DNAH14: variants seen among roughly 807,000 people sequenced by gnomAD.
The protein encoded by DNAH14 is dynein axonemal heavy chain 14.
In DNAH14, 478 loss-of-function variants were observed where a neutral mutation model predicts 520.9. That is an observed-to-expected ratio of 0.92 (90% CI 0.85 to 0.99). DNAH14 has a LOEUF of 0.99. DNAH14 is among the 50% of genes least tolerant of loss of function. The pLI, the probability that DNAH14 is intolerant of heterozygous loss-of-function variation, is 0.00. For synonymous variants in DNAH14, 1,581 were observed against 1,757.2 expected, an observed-to-expected ratio of 0.90 and a Z score of 2.51; for missense variants, 4,831 against 5,234.5, an observed-to-expected ratio of 0.92 and a Z score of 2.38.
At chr1:225,055,711 T>G (rs2449296) in intron 17 of DNAH14, among the ~76,000 whole-genome samples, 120,886 of 139,436 alleles carry the variant, frequency 0.87, 55,068 homozygotes, top group Non-Finnish European at 1. Context: ...ATAGGCCCTG[T>G]TGTGTGATGT....
At chr1:225,360,539 TG>T in intron 74 of DNAH14, 141 bp from the exon 75 acceptor site, 1 of 782,828 alleles carries the variant, frequency 1.3e-6, no homozygotes, top group South Asian at 1.9e-5. Context: ...ATTTAAACTC[TG>T]GGCTCTAATT....
intron 35 of DNAH14, among the ~76,000 whole-genome samples, chr1:225,161,270 A>G (rs1253474317): frequency 6.6e-6 from 1 of 152,148 alleles, no homozygotes; most frequent in Non-Finnish European, 1.5e-5. Flanking sequence ...AGAGCATGCA[A>G]TGTTTGTGTT....
At chr1:225,107,699 T>A (rs1573149105) in intron 23 of DNAH14, among the ~76,000 whole-genome samples, 1 of 152,140 alleles carries the variant, frequency 6.6e-6, no homozygotes, top group Admixed American at 6.6e-5. Flanking sequence ...CTATTTTTAG[T>A]TTTTTGAGGA....
At chr1:224,997,822 C>T (rs958935718) in intron 8 of DNAH14, among the ~76,000 whole-genome samples, 6 of 151,498 alleles carry the variant, frequency 4.0e-5, no homozygotes, top group East Asian at 1.9e-4. Flanking sequence ...AGTTCATGTC[C>T]TTTGTAGGGA....
rs778576814 is a variant in DNAH14 at position 225,398,503 on chromosome 1, C to T, written c.13492-17C>T. The T allele has an allele frequency of 2.6e-6, 4 of 1,551,102 alleles. No homozygotes were observed. The African/African-American group carries it at 4.1e-5, about 16-fold the overall frequency. On this transcript the variant is annotated splice_polypyrimidine_tract_variant and intron_variant, in intron 84 of 85. Transcript: ENST00000682510. ...CTTCTCCTGGGGATCCCTGACACCA[C>T]CTCTCTTCCATCTTAGGGCTCAGCT...
chr1:224,984,258 T>C (rs1404036018), intron 8 of DNAH14, among the ~76,000 whole-genome samples: 2 of 152,320 alleles, frequency 1.3e-5, no homozygotes, highest in Admixed American at 6.5e-5. Flanking sequence ...AGTCAACTGA[T>C]CTTTGACAAA....
intron 44 of DNAH14, among the ~76,000 whole-genome samples, chr1:225,253,976 T>C (rs12759119): frequency 0.095 from 14,401 of 152,192 alleles, 976 homozygotes; most frequent in East Asian, 0.31. Flanking sequence ...TGTGACCAGA[T>C]TAGATCTAGA....
At chr1:225,288,734 A>T (rs1486068066) in intron 54 of DNAH14, among the ~76,000 whole-genome samples, 2 of 152,164 alleles carry the variant, frequency 1.3e-5, no homozygotes, top group African/African-American at 4.8e-5. Flanking sequence ...TTCATTAGTC[A>T]TTAGGGAAAT....
In DNAH14 at chr1:225,215,405, T is replaced by A. The variant is rs7525793; in HGVS notation, c.6439+8185T>A. 5.0e-3 allele frequency among the ~76,000 whole-genome samples: 763 copies of A among 152,326 alleles called. 8 individuals carry two copies. Among genetic ancestry groups the A allele is most frequent in the African/African-American group, 0.017 (720 of 41,576 alleles). ...TCTGTTGATTTGGGGTGGAGAGTTC[T>A]GTAGATTTCTATGAGGCCTGCTTGG... On this transcript the variant is annotated intron_variant, in intron 41 of 85. Transcript: ENST00000682510.
At chr1:225,222,599 T>C (rs891763959) in intron 41 of DNAH14, among the ~76,000 whole-genome samples, 1 of 152,164 alleles carries the variant, frequency 6.6e-6, no homozygotes, top group Admixed American at 6.5e-5. Context: ...TACAGAGTGC[T>C]GATTGGTCCA....
At chr1:225,072,819 G>C (rs966600258) in intron 17 of DNAH14, among the ~76,000 whole-genome samples, 9 of 152,096 alleles carry the variant, frequency 5.9e-5, no homozygotes, top group Non-Finnish European at 4.4e-5. Context: ...CCAGTATTTG[G>C]AGTTATCGTC....
chr1:225,154,541 G>C (rs2080843838), intron 34 of DNAH14, among the ~76,000 whole-genome samples: 1 of 151,992 alleles, frequency 6.6e-6, no homozygotes, highest in Non-Finnish European at 1.5e-5. Flanking sequence ...GAACAGTATA[G>C]AAAATAGAAC....
chr1:225,144,304 G>C, intron 28 of DNAH14, 93 bp from the exon 29 acceptor site: 4 of 960,042 alleles, frequency 4.2e-6, no homozygotes, highest in Non-Finnish European at 6.1e-6. Flanking sequence ...TTTAATCAAT[G>C]CTCCATTTTT....
At chr1:225,169,197 A>T (rs1487181694) in intron 36 of DNAH14, among the ~76,000 whole-genome samples, 2 of 152,234 alleles carry the variant, frequency 1.3e-5, no homozygotes, top group Admixed American at 1.3e-4. Flanking sequence ...AGACGGGGAA[A>T]AAACAGAGAA....
chr1:224,991,083 G>GTTTTTTT (rs1558617166), intron 8 of DNAH14, among the ~76,000 whole-genome samples: 1 of 95,900 alleles, frequency 1.0e-5, no homozygotes, highest in Non-Finnish European at 1.9e-5. Flanking sequence ...GTGATGTTGA[G>GTTTTTTT]CTTTTTTTTT....
Position 225,368,029 on chromosome 1 carries a change from G to T in DNAH14, c.12315G>T (p.Leu4105Phe). ...CTTATAAATTTAATTCTTCAGACTT[G>T]GGGGTAAGTGTAGTCTCTTCAAACA... ...NIAYKFNSSD[L>F]GVAIKVLENS... The change falls in exon 77 of 86, where the codon TTG becomes TTT. Residue 4105 changes from leucine (L) to phenylalanine (F), a missense_variant. Physicochemically the swap from Leu to Phe is conservative, Grantham distance 22 (BLOSUM62 0). Coordinates refer to ENST00000682510, the MANE Select transcript of DNAH14 (RefSeq NM_001367479.1). 1 of 1,545,682 alleles carries T rather than the reference G, an allele frequency of 6.5e-7. No individual in the cohort carries two copies. Among genetic ancestry groups the T allele is most frequent in the Non-Finnish European group, 8.7e-7 (1 of 1,144,508 alleles).
intron 13 of DNAH14, 72 bp from the exon 14 acceptor site, chr1:225,043,672 T>C (rs1363004633): frequency 1.8e-6 from 2 of 1,136,914 alleles, no homozygotes; most frequent in Admixed American, 2.4e-5. Context: ...TGGCATATAT[T>C]AATTTGTCAT....
intron 71 of DNAH14, 23 bp from the exon 72 acceptor site, chr1:225,351,624 G>T: frequency 6.6e-7 from 1 of 1,515,706 alleles, no homozygotes; most frequent in South Asian, 1.3e-5. Flanking sequence ...CTTCTAATGT[G>T]ATCATCTTTC....
At chr1:225,011,745 A>G (rs2064765786) in intron 10 of DNAH14, among the ~76,000 whole-genome samples, 1 of 144,594 alleles carries the variant, frequency 6.9e-6, no homozygotes, top group South Asian at 2.2e-4. Flanking sequence ...AGATGCGAGG[A>G]ATGCAACCTC....
Sources: gnomAD v4.1 joint callset for allele counts (sites outside exome capture counted in the v4.1 genomes callset) on GRCh38, gnomAD v4.1.1 for gene constraint, MANE v1.5 for transcripts, NCBI Gene and HGNC (gene_info 2026-07-23, HGNC 2026-07-21) for gene names.